The following ZFP14 variants were observed in gnomAD, a reference collection of about 807,000 sequenced individuals.
The protein encoded by ZFP14 is zinc finger protein 14 homolog.
Under a neutral mutation model 54.5 loss-of-function variants are expected in ZFP14, and 22 were observed. The ratio of observed to expected loss-of-function variants is 0.40; its 90% CI spans 0.29 to 0.58. The LOEUF (loss-of-function observed/expected upper bound fraction) is 0.58. ZFP14 is among the 20% of genes least tolerant of loss of function. The probability of loss-of-function intolerance (pLI) is 0.39; values close to 1 mark genes in which losing one functional copy is unlikely to be tolerated. For synonymous variants in ZFP14, 159 were observed against 204.0 expected, an observed-to-expected ratio of 0.78 and a Z score of 1.88; for missense variants, 470 against 637.8, an observed-to-expected ratio of 0.74 and a Z score of 2.83.
chr19:36,364,778 T>C (rs2031765629), intron 2 of ZFP14, among the ~76,000 whole-genome samples: 1 of 152,130 alleles, frequency 6.6e-6, no homozygotes, highest in South Asian at 2.1e-4. Context: ...GAGTTTTCCC[T>C]ATAAGCAGTC....
chr19:36,368,373 CAGG>C (rs2031827823), intron 1 of ZFP14, among the ~76,000 whole-genome samples: 1 of 152,186 alleles, frequency 6.6e-6, no homozygotes, highest in Non-Finnish European at 1.5e-5. Flanking sequence ...GAGGCTGAGG[CAGG>C]AGAATCGCTT....
Position 36,341,071 on chromosome 19 carries a change from C to T in ZFP14, c.755G>A (p.Gly252Asp). 1.2e-6 allele frequency: 2 copies of T among 1,614,020 alleles called. No individual in the cohort carries two copies. Among genetic ancestry groups the T allele is most frequent in the Non-Finnish European group, 1.7e-6 (2 of 1,179,982 alleles). Residue 252 changes from glycine (G) to aspartate (D), a missense_variant, in exon 5 of 5, where the codon GGT becomes GAT. Gly to Asp is a moderately conservative substitution (Grantham distance 94). Transcript: ENST00000270001. The surrounding 1 kb of genome is among the most constrained non-coding windows in gnomAD (Gnocchi z 4.2). The part of the protein sequence containing the change: ...ELTQHQRLHT[G>D]EKPYECKECG... Reference sequence around the variant, plus strand: ...TTCCTTACATTCATAGGGTTTTTCACCCGTATGAAGTCTCTGATGTTGAGT... The same window carrying T: ...TTCCTTACATTCATAGGGTTTTTCATCCGTATGAAGTCTCTGATGTTGAGT...
chr19:36,349,681 ATAT>A lies in ZFP14; in HGVS notation c.236-8094_236-8092del, dbSNP rs1568467415. The stretch of plus-strand genomic sequence containing the variant: ...GACTCTGTCTCAAAACAAAAAAAAA[ATAT>A]ATATATATATAATATATATATAATA... On this transcript the variant is annotated intron_variant, in intron 4 of 4. Transcript: ENST00000270001. Among the ~76,000 whole-genome samples, 855 of 133,324 alleles carry A rather than the reference ATAT, an allele frequency of 6.4e-3. 8 individuals are homozygous for A. The highest frequency in any genetic ancestry group is 0.022 in the African/African-American group (818 of 37,086). The allele number at this position is 133,324 out of a possible 152,430, so 87.5% of individuals were successfully genotyped here. A position where few individuals can be genotyped will look rare whatever the true frequency, so the allele number is the denominator to read the frequency against.
rs752528816 is a variant in ZFP14 at position 36,362,131 on chromosome 19, G to A, written c.117C>T (p.Tyr39=). The A allele has an allele frequency of 5.6e-6, 9 of 1,603,920 alleles. No homozygotes were observed. In the South Asian group the frequency reaches 6.7e-5, roughly 12 times the overall value. The change falls in exon 3 of 5, where the codon TAC becomes TAT. Residue 39 remains tyrosine (Y), a synonymous_variant. Transcript: ENST00000270001. ...DLYRDVMWEN[Y]SNFISLGPSI... ...CCTTACCTAGTGAAATGAAGTTGCT[G>A]TAGTTCTCCCACATTACATCCCTAT...
At chr19:36,368,089 G>A (rs1453702472) in intron 1 of ZFP14, 118 bp from the exon 2 acceptor site, 3 of 560,940 alleles carry the variant, frequency 5.3e-6, no homozygotes, top group Non-Finnish European at 9.2e-6. Flanking sequence ...TACTTCCATT[G>A]GCTTTTCCAA....
At chr19:36,348,994 G>A (rs1038843636) in intron 4 of ZFP14, among the ~76,000 whole-genome samples, 1 of 151,822 alleles carries the variant, frequency 6.6e-6, no homozygotes, top group East Asian at 1.9e-4. Flanking sequence ...TTGGGAGGCC[G>A]AGGTGGGCAG....
rs143692601 is a variant in ZFP14 at position 36,347,679 on chromosome 19, T to G, written c.236-6089A>C. ...CCACTCCAAAAATTATTTTGAAGAT[T>G]ATCAAAACTTGAGAAAGCACTCAAT... On this transcript the variant is annotated intron_variant, in intron 4 of 4. Coordinates refer to ENST00000270001, the MANE Select transcript of ZFP14 (RefSeq NM_020917.3). 1.0e-3 allele frequency among the ~76,000 whole-genome samples: 158 copies of G among 152,174 alleles called. 1 individual carries two copies. The East Asian group carries it at 0.021, about 20-fold the overall frequency.
intron 4 of ZFP14, among the ~76,000 whole-genome samples, chr19:36,348,218 T>C (rs1029361569): frequency 2.6e-5 from 4 of 152,332 alleles, no homozygotes; most frequent in South Asian, 2.1e-4. Flanking sequence ...GAATTAAGGA[T>C]TGACATTTCA....
At chr19:36,371,158 G>A (rs1354304086) in intron 1 of ZFP14, among the ~76,000 whole-genome samples, 3 of 152,262 alleles carry the variant, frequency 2.0e-5, no homozygotes, top group East Asian at 3.9e-4. Flanking sequence ...AGCTACTCGG[G>A]AGGCTGAGGC....
intron 3 of ZFP14, among the ~76,000 whole-genome samples, 197 bp from the exon 4 acceptor site, chr19:36,360,730 A>G (rs1233455991): frequency 6.6e-6 from 1 of 152,188 alleles, no homozygotes; most frequent in Non-Finnish European, 1.5e-5. Flanking sequence ...AGGTTAAATT[A>G]AGTATACTAA....
chr19:36,357,125 C>T (rs541774721), intron 4 of ZFP14, among the ~76,000 whole-genome samples: 218 of 152,304 alleles, frequency 1.4e-3, no homozygotes, highest in African/African-American at 5.1e-3. Context: ...TCACTGGAAC[C>T]TCCACCTCCT....
At chr19:36,369,517 TC>T (rs1190979610) in intron 1 of ZFP14, among the ~76,000 whole-genome samples, 1 of 151,878 alleles carries the variant, frequency 6.6e-6, no homozygotes, top group Admixed American at 6.6e-5. Flanking sequence ...TTCAAGCGTT[TC>T]TCCTGCCTCA....
At chr19:36,344,164 G>A (rs62112624) in intron 4 of ZFP14, among the ~76,000 whole-genome samples, 22,984 of 151,946 alleles carry the variant, frequency 0.15, 2,159 homozygotes, top group Admixed American at 0.2. Context: ...CACCAGGCTC[G>A]GCTAATTTTT....
intron 4 of ZFP14, among the ~76,000 whole-genome samples, chr19:36,358,084 CTATCT>C (rs2031649327): frequency 5.5e-5 from 8 of 146,470 alleles, no homozygotes; most frequent in African/African-American, 2.0e-4. Context: ...ATCTATCTAT[CTATCT>C]ATCATCTATC....
Position 36,362,153 on chromosome 19 carries a change from C to T in ZFP14, c.95G>A (p.Arg32Lys), listed in dbSNP as rs1468655766. 5.6e-6 allele frequency: 9 copies of T among 1,611,288 alleles called. No individual in the cohort carries two copies. Among genetic ancestry groups the T allele is most frequent in the Non-Finnish European group, 7.6e-6 (9 of 1,178,830 alleles). ...FLDPAQRDLY[R>K]DVMWENYSNF... is the part of the protein sequence containing the mutation. ...GCTGTAGTTCTCCCACATTACATCCCTATATAAGTCCCTCTGAGCAGGATC... is the reference window on the plus strand; with the variant it reads ...GCTGTAGTTCTCCCACATTACATCCTTATATAAGTCCCTCTGAGCAGGATC... Residue 32 changes from arginine (R) to lysine (K), a missense_variant, in exon 3 of 5, where the codon AGG (arginine) becomes AAG (lysine). By Grantham distance (26) the Arg-to-Lys change is conservative. Coordinates refer to ENST00000270001, the MANE Select transcript of ZFP14 (RefSeq NM_020917.3).
At chr19:36,374,403 TCG>T (rs1327320031) in intron 1 of ZFP14, among the ~76,000 whole-genome samples, 2 of 148,948 alleles carry the variant, frequency 1.3e-5, no homozygotes, top group African/African-American at 2.5e-5. Context: ...GGCAGAAGAA[TCG>T]CTTGAACCCA....
At chr19:36,368,255 G>A (rs1393410425) in intron 1 of ZFP14, among the ~76,000 whole-genome samples, 3 of 152,162 alleles carry the variant, frequency 2.0e-5, no homozygotes, top group Admixed American at 6.6e-5. Flanking sequence ...GAGCACCTGA[G>A]GTCGGGAGTT....
intron 1 of ZFP14, among the ~76,000 whole-genome samples, chr19:36,369,142 C>T (rs1373128698): frequency 6.6e-6 from 1 of 151,808 alleles, no homozygotes; most frequent in Non-Finnish European, 1.5e-5. Flanking sequence ...GTGCCCGGCC[C>T]CACTTTCCTT....
intron 1 of ZFP14, among the ~76,000 whole-genome samples, chr19:36,369,194 C>A (rs1260973193): frequency 6.6e-6 from 1 of 152,078 alleles, no homozygotes; most frequent in Admixed American, 6.6e-5. Flanking sequence ...ATGATTCCTG[C>A]AGTTGGTCAA....
Sources: allele counts gnomAD v4.1 joint callset (sites outside exome capture counted in the v4.1 genomes callset), GRCh38; gene constraint gnomAD v4.1.1; non-coding constraint Gnocchi (gnomAD v3.1); transcripts MANE v1.5; gene names NCBI Gene and HGNC (gene_info 2026-07-23, HGNC 2026-07-21).